The following RLN2 variants were observed in gnomAD, a reference collection of about 807,000 sequenced individuals.
RLN2 encodes the protein prorelaxin H2.
In RLN2, 10 loss-of-function variants were observed where a neutral mutation model predicts 7.3. The observed-to-expected ratio is 1.36, with a 90% confidence interval of 0.84 to 2.31. The LOEUF (loss-of-function observed/expected upper bound fraction) is 2.31, where lower values mean the gene tolerates loss of function less well. Among genes scored for constraint, RLN2 ranks in the 30% most tolerant of loss-of-function variants. The pLI is 0.00. For synonymous variants in RLN2, 103 were observed against 82.3 expected (o/e 1.25, Z -1.36); for missense variants, 298 against 217.6 (o/e 1.37, Z -2.32).
At chr9:5,327,283 T>C in the RLN2 span, among the ~76,000 whole-genome samples, 1 of 152,038 alleles carries the variant, frequency 6.6e-6, no homozygotes, top group South Asian at 2.1e-4. Flanking sequence ...CAAGGAGCCT[T>C]GCTCACTACT....
chr9:5,318,673 G>T, the RLN2 span, among the ~76,000 whole-genome samples: 1 of 151,824 alleles, frequency 6.6e-6, no homozygotes, highest in Non-Finnish European at 1.5e-5. Flanking sequence ...AAGAAAATGA[G>T]CTGTGCTGCT....
At chr9:5,318,399 T>C in the RLN2 span, among the ~76,000 whole-genome samples, 1 of 152,098 alleles carries the variant, frequency 6.6e-6, no homozygotes, top group South Asian at 2.1e-4. Flanking sequence ...CTTGGTGGTT[T>C]TTTTCTATGG....
rs180692694 is a variant in RLN2, at chr9:5,301,592, T to C, written c.212-1148A>G. Among the ~76,000 whole-genome samples the C allele has an allele frequency of 1.1e-4, 16 of 152,218 alleles. No homozygotes were observed. In the East Asian group the frequency reaches 3.1e-3, roughly 29 times the overall value. ...TGCTCTTCTTCCTGGACAGGAAAAC[T>C]CTCCATTAACAAGGCATTACTCTTG... On this transcript the variant is annotated intron_variant, in intron 1 of 1. Transcript: ENST00000381627.
chr9:5,314,163 A>G, the RLN2 span, among the ~76,000 whole-genome samples: 1 of 152,052 alleles, frequency 6.6e-6, no homozygotes, highest in African/African-American at 2.4e-5. Flanking sequence ...CCACGTGGCT[A>G]CTGCATTTGA....
the RLN2 span, among the ~76,000 whole-genome samples, chr9:5,312,798 T>G: frequency 1.3e-5 from 2 of 152,160 alleles, no homozygotes; most frequent in East Asian, 1.9e-4. Flanking sequence ...TCTAAAAATA[T>G]TTTTAATTTC....
the RLN2 span, among the ~76,000 whole-genome samples, chr9:5,329,891 A>T: frequency 2.0e-5 from 3 of 152,064 alleles, no homozygotes; most frequent in African/African-American, 7.3e-5. Flanking sequence ...ACTTGAACTC[A>T]GCTCTGCACC....
the RLN2 span, among the ~76,000 whole-genome samples, chr9:5,310,149 G>C: frequency 6.6e-6 from 1 of 151,950 alleles, no homozygotes; most frequent in South Asian, 2.1e-4. Flanking sequence ...AGGAAGCAGG[G>C]TTTTAGAGAG....
At chr9:5,324,291 C>A in the RLN2 span, among the ~76,000 whole-genome samples, 2 of 151,918 alleles carry the variant, frequency 1.3e-5, no homozygotes, top group Admixed American at 6.6e-5. Flanking sequence ...TACGCATAAT[C>A]CCCACTCAAT....
At chr9:5,329,766 CT>C in the RLN2 span, among the ~76,000 whole-genome samples, 1 of 151,774 alleles carries the variant, frequency 6.6e-6, no homozygotes, top group Non-Finnish European at 1.5e-5. Context: ...AAAACAAGTC[CT>C]TAGAGACATA....
chr9:5,327,966 C>G, the RLN2 span, among the ~76,000 whole-genome samples: 2 of 152,066 alleles, frequency 1.3e-5, no homozygotes, highest in South Asian at 2.1e-4. Flanking sequence ...GAAACCAGAG[C>G]AGAAAAGCTG....
the RLN2 span, among the ~76,000 whole-genome samples, chr9:5,319,448 T>A: frequency 6.6e-6 from 1 of 152,062 alleles, no homozygotes; most frequent in East Asian, 1.9e-4. Flanking sequence ...TATGAGAAGT[T>A]TTTTTTAATG....
chr9:5,329,919 ATC>A, the RLN2 span, among the ~76,000 whole-genome samples: 1 of 151,976 alleles, frequency 6.6e-6, no homozygotes, highest in Non-Finnish European at 1.5e-5. Context: ...CCTAATAGAC[ATC>A]TACAAAATTC....
At chr9:5,339,270 C>T in the RLN2 span, 2 of 316,574 alleles carry the variant, frequency 6.3e-6, no homozygotes, top group Admixed American at 6.6e-5. Context: ...ACGGAAAGGG[C>T]ACCAAGGAAC....
rs763901974 is a variant in RLN2 at position 5,304,453 on chromosome 9, T to G, written c.128A>C (p.Gln43Pro). ...GGTGCTCATGCCGCAAATGGCAATCTGCGCGCGAACTAATTCGCGGCCGCA... is the reference window on the plus strand; with the variant it reads ...GGTGCTCATGCCGCAAATGGCAATCGGCGCGCGAACTAATTCGCGGCCGCA... ...KLCGRELVRAQIAICGMSTWS... is the reference protein window; with the variant it reads ...KLCGRELVRAPIAICGMSTWS... The change falls in exon 1 of 2, where the codon CAG (glutamine) becomes CCG (proline). Residue 43 changes from glutamine to proline, a missense_variant. Transcript: ENST00000381627. 4 of 1,613,320 alleles carry G rather than the reference T, an allele frequency of 2.5e-6. No homozygotes were observed. Among genetic ancestry groups the G allele is most frequent in the Non-Finnish European group, 3.4e-6 (4 of 1,179,804 alleles).
At chr9:5,313,174 T>C in the RLN2 span, among the ~76,000 whole-genome samples, 3 of 152,094 alleles carry the variant, frequency 2.0e-5, no homozygotes, top group Admixed American at 2.0e-4. Flanking sequence ...AGTGAGATAC[T>C]GAAGTCTTCT....
At chr9:5,336,814 G>C in the RLN2 span, among the ~76,000 whole-genome samples, 1 of 151,850 alleles carries the variant, frequency 6.6e-6, no homozygotes, top group Admixed American at 6.6e-5. Context: ...ATCTAAGTGC[G>C]GGAGGCAGAC....
the RLN2 span, among the ~76,000 whole-genome samples, chr9:5,322,653 C>T: frequency 6.6e-6 from 1 of 151,888 alleles, no homozygotes; most frequent in Non-Finnish European, 1.5e-5. Context: ...AACATCCTGG[C>T]ATTTCTTCTC....
At chr9:5,336,952 C>T in the RLN2 span, among the ~76,000 whole-genome samples, 1 of 151,806 alleles carries the variant, frequency 6.6e-6, no homozygotes, top group East Asian at 1.9e-4. Context: ...CTTTTACCAA[C>T]AACAAACTTC....
the RLN2 span, chr9:5,335,588 G>C: frequency 6.3e-7 from 1 of 1,598,432 alleles, no homozygotes; most frequent in African/African-American, 1.4e-5. Flanking sequence ...GATGAAGGAT[G>C]GTACAATTTC....
Sources: gnomAD v4.1 joint callset for allele counts (sites outside exome capture counted in the v4.1 genomes callset) on GRCh38, gnomAD v4.1.1 for gene constraint, MANE v1.5 for transcripts, NCBI Gene and HGNC (gene_info 2026-07-23, HGNC 2026-07-21) for gene names.